BMAL1: variants seen among roughly 807,000 people sequenced by gnomAD.
BMAL1 encodes basic helix-loop-helix ARNT like 1.
the BMAL1 span, among the ~76,000 whole-genome samples, chr11:13,327,742 G>A: frequency 1.3e-5 from 2 of 152,206 alleles, no homozygotes; most frequent in Non-Finnish European, 2.9e-5. Context: ...AATGAAACAA[G>A]AGTGGCAACA....
chr11:13,360,323 T>C, the BMAL1 span: 1 of 1,597,804 alleles, frequency 6.3e-7, no homozygotes, highest in South Asian at 1.1e-5. Flanking sequence ...GTATACCAAT[T>C]CTTTCTCTTT....
At chr11:13,304,539 G>T in the BMAL1 span, among the ~76,000 whole-genome samples, 1 of 152,150 alleles carries the variant, frequency 6.6e-6, no homozygotes, top group Non-Finnish European at 1.5e-5. Context: ...ACTTTTTTCA[G>T]CACAGATGGG....
chr11:13,374,285 G>C, the BMAL1 span: 1 of 1,277,402 alleles, frequency 7.8e-7, no homozygotes, highest in South Asian at 1.2e-5. Context: ...AGGGAAATCT[G>C]TCCACTGAGG....
At chr11:13,341,769 C>G in the BMAL1 span, among the ~76,000 whole-genome samples, 2 of 152,238 alleles carry the variant, frequency 1.3e-5, no homozygotes, top group Non-Finnish European at 2.9e-5. Flanking sequence ...CAAAGACAGG[C>G]AAGAAAACAA....
chr11:13,350,090 T>TC, the BMAL1 span: 1 of 152,206 alleles, frequency 6.6e-6, no homozygotes, highest in Non-Finnish European at 1.5e-5. Context: ...TAGTATCCCC[T>TC]CCCTGCCCCC....
the BMAL1 span, chr11:13,356,645 G>A: frequency 1.4e-6 from 2 of 1,459,960 alleles, no homozygotes; most frequent in Non-Finnish European, 9.4e-7. Flanking sequence ...TGATTGTTTG[G>A]TTTCTGGATA....
At chr11:13,285,913 T>C in the BMAL1 span, among the ~76,000 whole-genome samples, 1 of 152,232 alleles carries the variant, frequency 6.6e-6, no homozygotes, top group Non-Finnish European at 1.5e-5. Flanking sequence ...ATAAATGCAC[T>C]CCTAGCATGT....
chr11:13,314,271 A>ACT, the BMAL1 span, among the ~76,000 whole-genome samples: 2 of 146,386 alleles, frequency 1.4e-5, no homozygotes, highest in Non-Finnish European at 3.0e-5. Flanking sequence ...ACACACACAC[A>ACT]CTCTGTCTCT....
the BMAL1 span, among the ~76,000 whole-genome samples, chr11:13,284,266 A>ATATTT: frequency 2.2e-5 from 1 of 44,882 alleles, no homozygotes; most frequent in East Asian, 5.0e-4. Context: ...ATATATATAT[A>ATATTT]TTTTTTTTTT....
At chr11:13,371,350 ATTTG>A in the BMAL1 span, among the ~76,000 whole-genome samples, 1 of 152,122 alleles carries the variant, frequency 6.6e-6, no homozygotes, top group Non-Finnish European at 1.5e-5. Flanking sequence ...AGTCATCTTC[ATTTG>A]TTTCTTTCCC....
chr11:13,320,881 C>T, the BMAL1 span, among the ~76,000 whole-genome samples: 1 of 152,264 alleles, frequency 6.6e-6, no homozygotes, highest in East Asian at 1.9e-4. Context: ...AATTAACCTT[C>T]TAGGTGGGTG....
chr11:13,307,771 G>C, the BMAL1 span, among the ~76,000 whole-genome samples: 1 of 152,222 alleles, frequency 6.6e-6, no homozygotes, highest in East Asian at 1.9e-4. Context: ...ATACAGTCAG[G>C]ACTGCCAGTG....
chr11:13,305,361 A>G, the BMAL1 span, among the ~76,000 whole-genome samples: 1 of 152,028 alleles, frequency 6.6e-6, no homozygotes, highest in Non-Finnish European at 1.5e-5. Context: ...TTCTTTACTG[A>G]TTGCGAATGG....
At chr11:13,346,393 G>T in the BMAL1 span, among the ~76,000 whole-genome samples, 1 of 152,304 alleles carries the variant, frequency 6.6e-6, no homozygotes, top group African/African-American at 2.4e-5. Flanking sequence ...AGAGTCACTT[G>T]GTCTGAACTG....
the BMAL1 span, among the ~76,000 whole-genome samples, chr11:13,343,430 C>T: frequency 6.6e-6 from 1 of 152,320 alleles, no homozygotes; most frequent in Non-Finnish European, 1.5e-5. Flanking sequence ...CACTCAGATG[C>T]TCCCATTGTG....
At chr11:13,340,653 C>T in the BMAL1 span, among the ~76,000 whole-genome samples, 3 of 152,150 alleles carry the variant, frequency 2.0e-5, no homozygotes, top group Non-Finnish European at 1.5e-5. Flanking sequence ...ACTCCCTCCT[C>T]GTTCCCAGGG....
the BMAL1 span, among the ~76,000 whole-genome samples, chr11:13,284,116 ATATG>A: frequency 2.0e-5 from 2 of 101,666 alleles, no homozygotes; most frequent in African/African-American, 1.0e-4. Context: ...GTGTGTATAT[ATATG>A]TGTGTGTGTA....
chr11:13,315,325 C>T, the BMAL1 span, among the ~76,000 whole-genome samples: 1 of 152,256 alleles, frequency 6.6e-6, no homozygotes, highest in African/African-American at 2.4e-5. Context: ...GCCTCCTCCT[C>T]AGAAGCCTCC....
the BMAL1 span, among the ~76,000 whole-genome samples, chr11:13,360,043 C>CT: frequency 7.2e-5 from 11 of 152,316 alleles, no homozygotes; most frequent in East Asian, 1.9e-3. Flanking sequence ...GAGCTGCCTT[C>CT]TTTCTTAGAA....
Sources: allele counts gnomAD v4.1 joint callset (sites outside exome capture counted in the v4.1 genomes callset), GRCh38; gene constraint gnomAD v4.1.1; transcripts MANE v1.5; gene names NCBI Gene and HGNC (gene_info 2026-07-23, HGNC 2026-07-21).